Variants in RBM19 observed in about 807,000 individuals in gnomAD.
RBM19 encodes the protein RNA binding motif protein 19, also known as probable RNA-binding protein 19.
Under a neutral mutation model 116.8 loss-of-function variants are expected in RBM19, and 94 were observed. The ratio of observed to expected loss-of-function variants is 0.80; its 90% CI spans 0.68 to 0.95. The LOEUF (loss-of-function observed/expected upper bound fraction) is 0.95. Ranked by LOEUF, RBM19 falls within the 40% of genes least tolerant of loss-of-function variation. RBM19 has a pLI of 0.00. For missense variants in RBM19, 1,161 were observed against 1,220.7 expected (o/e 0.95, Z 0.73); for synonymous variants, 475 against 494.1 (o/e 0.96, Z 0.51).
rs181875596 is a variant in RBM19 at position 113,946,871 on chromosome 12, G to C, written c.1408-396C>G. ...CATGAATAAATCAATGAATGAATGA[G>C]AAAAGGAAAAAGGGTGATGATGAGG... On this transcript the variant is annotated intron_variant, in intron 11 of 23. Coordinates refer to ENST00000261741, the MANE Select transcript of RBM19 (RefSeq NM_016196.4). 1.3e-3 allele frequency among the ~76,000 whole-genome samples: 197 copies of C among 152,352 alleles called. 1 individual carries two copies. The highest frequency in any genetic ancestry group is 4.5e-3 in the African/African-American group (188 of 41,588).
intron 21 of RBM19, among the ~76,000 whole-genome samples, chr12:113,909,574 G>C (rs1323823842): frequency 6.6e-6 from 1 of 152,196 alleles, no homozygotes; most frequent in African/African-American, 2.4e-5. Flanking sequence ...AAGGAAGGGA[G>C]GGAGCGGTGA....
chr12:113,965,665 C>G (rs1325009444), intron 1 of RBM19, among the ~76,000 whole-genome samples: 3 of 152,122 alleles, frequency 2.0e-5, no homozygotes, highest in Non-Finnish European at 4.4e-5. Context: ...TCCAGGGAAA[C>G]AAAAAAGTAT....
intron 20 of RBM19, among the ~76,000 whole-genome samples, chr12:113,916,979 T>C (rs1473739319): frequency 1.3e-5 from 2 of 152,252 alleles, no homozygotes; most frequent in African/African-American, 4.8e-5. Context: ...GCACTTGCCA[T>C]ATCTCAAGAG....
Position 113,918,533 on chromosome 12 carries a change from C to T in RBM19, c.2386-86G>A. 7.1e-6 allele frequency: 10 copies of T among 1,415,314 alleles called. No homozygotes were observed. The South Asian group carries it at 9.4e-5, about 13-fold the overall frequency. The allele number at this position is 1,415,314 out of a possible 1,614,324, so 87.7% of individuals were successfully genotyped here. ...GCCCTTCACCAGAGCAGAGCCCTGG[C>T]TCGCAGATGGGAGCCTGATTGTTCC... On this transcript the variant is annotated intron_variant, in intron 19 of 23. Coordinates refer to ENST00000261741, the MANE Select transcript of RBM19 (RefSeq NM_016196.4).
intron 23 of RBM19, among the ~76,000 whole-genome samples, chr12:113,835,782 G>A (rs367813591): frequency 6.6e-6 from 1 of 152,202 alleles, no homozygotes; most frequent in African/African-American, 2.4e-5. Context: ...TCATGTCTGC[G>A]CTCCCAGCTC....
intron 21 of RBM19, among the ~76,000 whole-genome samples, chr12:113,871,981 C>A (rs1265731078): frequency 6.7e-6 from 1 of 148,448 alleles, no homozygotes; most frequent in Non-Finnish European, 1.5e-5. Flanking sequence ...TCTGCCTGGC[C>A]GCCCATCGTC....
chr12:113,913,782 G>A (rs1312737856), intron 21 of RBM19, among the ~76,000 whole-genome samples: 2 of 152,234 alleles, frequency 1.3e-5, no homozygotes, highest in African/African-American at 2.4e-5. Context: ...ATGAACGAAC[G>A]AGACCTAGTG....
intron 23 of RBM19, among the ~76,000 whole-genome samples, chr12:113,843,785 C>G (rs1876711084): frequency 6.6e-6 from 1 of 152,210 alleles, no homozygotes; most frequent in Non-Finnish European, 1.5e-5. Flanking sequence ...ACCCTCTCCT[C>G]ACCTGACTGA....
intron 21 of RBM19, among the ~76,000 whole-genome samples, chr12:113,905,208 A>G (rs1015741110): frequency 6.6e-6 from 1 of 152,228 alleles, no homozygotes. Flanking sequence ...TATCAAGTCT[A>G]TTACAAAGCC....
intron 21 of RBM19, among the ~76,000 whole-genome samples, chr12:113,861,744 T>C (rs768532385): frequency 6.6e-6 from 1 of 152,068 alleles, no homozygotes; most frequent in Non-Finnish European, 1.5e-5. Context: ...GACATGCTTT[T>C]GTGGCCTGCA....
chr12:113,860,169 CGGGG>C (rs1878251687), intron 21 of RBM19, among the ~76,000 whole-genome samples: 1 of 152,204 alleles, frequency 6.6e-6, no homozygotes, highest in Non-Finnish European at 1.5e-5. Context: ...GCCAGCCTCC[CGGGG>C]AGGGGAAGGA....
chr12:113,924,779 A>G (rs770557668), intron 17 of RBM19, 22 bp from the exon 18 acceptor site: 5 of 1,527,188 alleles, frequency 3.3e-6, no homozygotes, highest in Non-Finnish European at 4.5e-6. Flanking sequence ...AGTAACAAGT[A>G]TCATCAGCAG....
chr12:113,885,919 AGTGCAGTG>A (rs1880483712), intron 21 of RBM19, among the ~76,000 whole-genome samples: 1 of 133,530 alleles, frequency 7.5e-6, no homozygotes, highest in Admixed American at 8.7e-5. Context: ...CCCAGGCTGG[AGTGCAGTG>A]GTGCAATCTT....
intron 21 of RBM19, among the ~76,000 whole-genome samples, chr12:113,863,644 G>A (rs1267228762): frequency 6.6e-6 from 1 of 152,122 alleles, no homozygotes; most frequent in Non-Finnish European, 1.5e-5. Context: ...TGAGTCATGT[G>A]GGGGAGTTTG....
chr12:113,887,153 T>A (rs1281718545), intron 21 of RBM19, among the ~76,000 whole-genome samples: 1 of 152,356 alleles, frequency 6.6e-6, no homozygotes, highest in South Asian at 2.1e-4. Flanking sequence ...CACCTACTTG[T>A]TGACTTCTTG....
At chr12:113,845,868 C>T (rs996326744) in intron 22 of RBM19, among the ~76,000 whole-genome samples, 4 of 152,180 alleles carry the variant, frequency 2.6e-5, no homozygotes, top group African/African-American at 9.7e-5. Context: ...GGACAGACCC[C>T]GCAGGTCCTA....
At chr12:113,911,076 C>A (rs2135845787) in intron 21 of RBM19, among the ~76,000 whole-genome samples, 1 of 152,264 alleles carries the variant, frequency 6.6e-6, no homozygotes, top group Middle Eastern at 3.4e-3. Flanking sequence ...GAAGCCCAGT[C>A]TCCACTTCCT....
At position 113,872,145 on chromosome 12, in the gene RBM19, G is replaced by A. The variant is rs1359048747; in HGVS notation, c.2559-13249C>T. 4.9e-5 allele frequency among the ~76,000 whole-genome samples: 7 copies of A among 143,776 alleles called. 1 individual carries two copies. The highest frequency in any genetic ancestry group is 1.8e-4 in the African/African-American group (7 of 38,826). 94.3% of individuals were successfully genotyped at this position (143,776 alleles called of 152,430 possible). A position where few individuals can be genotyped will look rare whatever the true frequency, so the allele number is the denominator to read the frequency against. On this transcript the variant is annotated intron_variant, in intron 21 of 23. Coordinates refer to ENST00000261741, the MANE Select transcript of RBM19 (RefSeq NM_016196.4). ...GAGCGTCTCTGCCCGGCCGCCCATC[G>A]TCTGAGATGTGGGGAGCGCCTCTGC...
chr12:113,938,883 AC>A (rs1870304399), intron 15 of RBM19, among the ~76,000 whole-genome samples: 1 of 151,034 alleles, frequency 6.6e-6, no homozygotes, highest in Non-Finnish European at 1.5e-5. Context: ...AACCCTGCTG[AC>A]ACCTTGATTT....
Sources: allele counts gnomAD v4.1 joint callset (sites outside exome capture counted in the v4.1 genomes callset), GRCh38; gene constraint gnomAD v4.1.1; transcripts MANE v1.5; gene names NCBI Gene and HGNC (gene_info 2026-07-23, HGNC 2026-07-21).